PIEZO2: variants seen among roughly 807,000 people sequenced by gnomAD.
The protein encoded by PIEZO2 is piezo-type mechanosensitive ion channel component 2.
PIEZO2 carries 172 observed loss-of-function variants against 337.3 expected under a neutral mutation model. The ratio of observed to expected loss-of-function variants is 0.51; its 90% confidence interval spans 0.45 to 0.58. The LOEUF is 0.58. PIEZO2 is among the 20% of genes least tolerant of loss of function. The pLI is 0.00. For missense variants in PIEZO2, 3,028 were observed against 3,391.3 expected, an observed-to-expected ratio of 0.89 and a Z score of 2.66; for synonymous variants, 1,251 against 1,228.5, an observed-to-expected ratio of 1.02 and a Z score of -0.38.
chr18:11,013,615 G>A (rs1480645331), intron 2 of PIEZO2, among the ~76,000 whole-genome samples: 1 of 152,174 alleles, frequency 6.6e-6, no homozygotes, highest in African/African-American at 2.4e-5. Flanking sequence ...GGGAGGTTGT[G>A]GTAGAGCAGA....
Position 11,001,771 on chromosome 18 carries a change from G to A in PIEZO2, c.161-22111C>T, listed in dbSNP as rs1179704646. On this transcript the variant is annotated intron_variant, in intron 2 of 55. Transcript: ENST00000674853. The surrounding 1 kb of genome is among the most constrained non-coding windows in gnomAD (Gnocchi z 5.3). Reference sequence around the variant, plus strand: ...CTCACACCTGTAACCCCAGCCACTCGGGAGGCTGAGGCATGAGAATAGCTT... The same window carrying A: ...CTCACACCTGTAACCCCAGCCACTCAGGAGGCTGAGGCATGAGAATAGCTT... 3.3e-5 allele frequency among the ~76,000 whole-genome samples: 5 copies of A among 152,146 alleles called. No individual in the cohort carries two copies. The highest frequency in any genetic ancestry group is 2.1e-4 in the South Asian group (1 of 4,796).
rs905070590 is a variant in PIEZO2, at chr18:10,676,282, C to T, written c.8082-994G>A. ...TCTCAGTCTGGGAACATTTCTAAGGCCTGCACCCTGGTGATCCATATATTC... is the reference window on the plus strand; with the variant it reads ...TCTCAGTCTGGGAACATTTCTAAGGTCTGCACCCTGGTGATCCATATATTC... On this transcript the variant is annotated intron_variant, in intron 53 of 55. Coordinates refer to ENST00000674853, the MANE Select transcript of PIEZO2 (RefSeq NM_001378183.1). The surrounding 1 kb of genome is among the most constrained non-coding windows in gnomAD (Gnocchi z 5.1). Among the ~76,000 whole-genome samples the T allele has an allele frequency of 3.9e-5, 6 of 152,176 alleles. No homozygotes were observed. Among genetic ancestry groups the T allele is most frequent in the African/African-American group, 1.2e-4 (5 of 41,448 alleles).
Position 10,773,860 on chromosome 18 carries a change from G to T in PIEZO2, c.2567+146C>A, listed in dbSNP as rs76165949. 6.3e-3 allele frequency: 3,915 copies of T among 620,356 alleles called. 91 individuals carry two copies. Among genetic ancestry groups the T allele is most frequent in the African/African-American group, 0.062 (3,387 of 54,248 alleles). 38.4% of individuals were successfully genotyped at this position (620,356 alleles called of 1,614,324 possible). Reference sequence around the variant, plus strand: ...GGTTTTGTTAGCTTTTTTAATTCGGGTTCTAGTGATTAGTTGGTAATGAGA... The same window carrying T: ...GGTTTTGTTAGCTTTTTTAATTCGGTTTCTAGTGATTAGTTGGTAATGAGA... On this transcript the variant is annotated intron_variant, in intron 19 of 55. Transcript: ENST00000674853. This position sits in a 1 kb window ranked among gnomAD's most constrained non-coding sequence, Gnocchi z 5.3.
chr18:10,970,967 A>G (rs142065424), intron 3 of PIEZO2, among the ~76,000 whole-genome samples: 13 of 152,300 alleles, frequency 8.5e-5, no homozygotes, highest in Middle Eastern at 3.4e-3. Flanking sequence ...CTCTACATTA[A>G]TCCACAATAC....
intron 8 of PIEZO2, among the ~76,000 whole-genome samples, chr18:10,805,635 A>G (rs999497362): frequency 1.3e-5 from 2 of 152,272 alleles, no homozygotes; most frequent in Admixed American, 6.5e-5. Context: ...CTACTGGCAC[A>G]GTCAAATTTT....
Position 10,726,308 on chromosome 18 carries a change from G to A in PIEZO2, c.5029+5099C>T. ...GTCGCGGCCAGAGCCCCGGCCAGGT[G>A]GAGCAGGTGGGTCCCCGAACGCCCC... On this transcript the variant is annotated intron_variant, in intron 36 of 55. Coordinates refer to ENST00000674853, the MANE Select transcript of PIEZO2 (RefSeq NM_001378183.1). This position sits in a 1 kb window ranked among gnomAD's most constrained non-coding sequence, Gnocchi z 5.9. 8.6e-7 allele frequency: 1 copy of A among 1,161,330 alleles called. No individual in the cohort carries two copies. Among genetic ancestry groups the A allele is most frequent in the Admixed American group, 2.1e-5 (1 of 46,694 alleles). 71.9% of individuals were successfully genotyped at this position (1,161,330 alleles called of 1,614,324 possible). A position where few individuals can be genotyped will look rare whatever the true frequency, so the allele number is the denominator to read the frequency against.
At chr18:11,049,133 G>T (rs1204608865) in intron 2 of PIEZO2, among the ~76,000 whole-genome samples, 1 of 152,184 alleles carries the variant, frequency 6.6e-6, no homozygotes, top group Non-Finnish European at 1.5e-5. Context: ...GAAGTCAAAG[G>T]AGGAGCTACG....
At chr18:11,025,096 T>G (rs1430380536) in intron 2 of PIEZO2, among the ~76,000 whole-genome samples, 3 of 152,124 alleles carry the variant, frequency 2.0e-5, no homozygotes, top group African/African-American at 7.2e-5. Context: ...TGATTAGGAA[T>G]GTAGGCTCTC....
Position 10,794,347 on chromosome 18 carries a change from G to A in PIEZO2, c.1758+425C>T, listed in dbSNP as rs1376317046. ...TAAAAATGTTCTTTAGGAAAGAATTGGAGAAAAACGTCATGAATAATCAAT... is the reference window on the plus strand; with the variant it reads ...TAAAAATGTTCTTTAGGAAAGAATTAGAGAAAAACGTCATGAATAATCAAT... On this transcript the variant is annotated intron_variant, in intron 13 of 55. Transcript: ENST00000674853. The surrounding 1 kb of genome is among the most constrained non-coding windows in gnomAD (Gnocchi z 6.6). Among the ~76,000 whole-genome samples, 1 of 152,126 alleles carries A rather than the reference G, an allele frequency of 6.6e-6. No homozygotes were observed. The highest frequency in any genetic ancestry group is 1.5e-5 in the Non-Finnish European group (1 of 68,020).
intron 4 of PIEZO2, among the ~76,000 whole-genome samples, chr18:10,907,678 CAT>C (rs1178665513): frequency 6.6e-6 from 1 of 152,182 alleles, no homozygotes; most frequent in Non-Finnish European, 1.5e-5. Context: ...ACTGATTACA[CAT>C]GATTAGCACA....
At position 10,722,957 on chromosome 18, in the gene PIEZO2, ATTTT is replaced by A. The variant is rs36042609; in HGVS notation, c.5030-4702_5030-4699del. 3.7e-3 allele frequency among the ~76,000 whole-genome samples: 314 copies of A among 84,324 alleles called. 1 individual carries two copies. The highest frequency in any genetic ancestry group is 6.3e-3 in the African/African-American group (131 of 20,890). The allele number at this position is 84,324 out of a possible 152,430, so 55.3% of individuals were successfully genotyped here. ...GACAGCATGTGTCCAGGATGCAGTGATTTTTTTTTTTTTTTTTTTTTTTTTTTGA... is the reference window on the plus strand; with the variant it reads ...GACAGCATGTGTCCAGGATGCAGTGATTTTTTTTTTTTTTTTTTTTTTTGA... On this transcript the variant is annotated intron_variant, in intron 36 of 55. Coordinates refer to ENST00000674853, the MANE Select transcript of PIEZO2 (RefSeq NM_001378183.1).
intron 1 of PIEZO2, among the ~76,000 whole-genome samples, chr18:11,147,908 G>T (rs1371956964): frequency 6.6e-6 from 1 of 152,262 alleles, no homozygotes; most frequent in African/African-American, 2.4e-5. Flanking sequence ...TGGGAGGCGG[G>T]ACTAGGTGTT....
chr18:10,802,359 A>G (rs1283195166), intron 9 of PIEZO2, among the ~76,000 whole-genome samples: 2 of 152,176 alleles, frequency 1.3e-5, no homozygotes, highest in East Asian at 1.9e-4. Flanking sequence ...TGTGGGTTCT[A>G]TCTATCAATT....
chr18:10,724,939 C>A lies in PIEZO2; in HGVS notation c.5029+6468G>T, dbSNP rs140850845. The A allele has an allele frequency of 2.5e-6, 4 of 1,601,192 alleles. No homozygotes were observed. In the East Asian group the frequency reaches 6.7e-5, roughly 27 times the overall value. ...GCCTCCACCTGGACGGCGATGGAACCCAGGTGGGCGCACCCTGCGGCCTGC... is the reference window on the plus strand; with the variant it reads ...GCCTCCACCTGGACGGCGATGGAACACAGGTGGGCGCACCCTGCGGCCTGC... On this transcript the variant is annotated intron_variant, in intron 36 of 55. Transcript: ENST00000674853. The surrounding 1 kb of genome is among the most constrained non-coding windows in gnomAD (Gnocchi z 5.8).
In PIEZO2 at chr18:11,131,587, C is replaced by A. The variant is rs968499225; in HGVS notation, c.64+16938G>T. Among the ~76,000 whole-genome samples, 3 of 152,184 alleles carry A rather than the reference C, an allele frequency of 2.0e-5. No individual in the cohort carries two copies. The highest frequency in any genetic ancestry group is 7.2e-5 in the African/African-American group (3 of 41,448). On this transcript the variant is annotated intron_variant, in intron 1 of 55. Coordinates refer to ENST00000674853, the MANE Select transcript of PIEZO2 (RefSeq NM_001378183.1). This position sits in a 1 kb window ranked among gnomAD's most constrained non-coding sequence, Gnocchi z 5.3. ...CCAGTGGGCAGAACTTCGAGCCATG[C>A]ACCTGGCTGTGCACGTTGCATGGAA...
rs374296354 is a variant in PIEZO2 at position 10,696,372 on chromosome 18, T to C, written c.6975+20A>G. On this transcript the variant is annotated intron_variant, in intron 46 of 55. Transcript: ENST00000674853. ...TCGCCATGGGTCAGGGCGGGTGCTG[T>C]GGCCTTTGCCCCAACCTACCCCAAA... The C allele has an allele frequency of 6.2e-7, 1 of 1,614,190 alleles. No individual in the cohort carries two copies.
rs980975418 is a variant in PIEZO2 at position 10,871,330 on chromosome 18, G to A, written c.415C>T (p.Leu139Phe). The A allele has an allele frequency of 2.3e-5, 36 of 1,537,140 alleles. No homozygotes were observed. The highest frequency in any genetic ancestry group is 3.1e-5 in the Non-Finnish European group (35 of 1,146,860). Residue 139 changes from leucine (L) to phenylalanine (F), a missense_variant, in exon 5 of 56, where the codon CTC becomes TTC. By Grantham distance (22) the Leu-to-Phe change is conservative. Transcript: ENST00000674853. ...GGTTTCTGAACAATGTTTCTACAGA[G>A]GAGCCAGATGGTCAGACTAGCAATG... The part of the protein sequence containing the change: ...MFIASLTIWL[L>F]CRNIVQKPVT...
intron 1 of PIEZO2, among the ~76,000 whole-genome samples, chr18:11,140,069 G>T (rs1037586154): frequency 2.6e-5 from 4 of 152,140 alleles, no homozygotes; most frequent in Non-Finnish European, 4.4e-5. Flanking sequence ...CCCCAATGCA[G>T]TTAAGGACCC....
Position 11,078,046 on chromosome 18 carries a change from C to CCA in PIEZO2, c.65-11826_65-11825dup, listed in dbSNP as rs35766286. Reference sequence around the variant, plus strand: ...TGCGTGCACACACACCCACACACACCCACACACACACACACACACACCACA... The same window carrying CCA: ...TGCGTGCACACACACCCACACACACCCACACACACACACACACACACACCACA... On this transcript the variant is annotated intron_variant, in intron 1 of 55. Coordinates refer to ENST00000674853, the MANE Select transcript of PIEZO2 (RefSeq NM_001378183.1). The surrounding 1 kb of genome is among the most constrained non-coding windows in gnomAD (Gnocchi z 5.3). 8.7e-3 allele frequency among the ~76,000 whole-genome samples: 1,179 copies of CCA among 135,846 alleles called. 7 individuals carry two copies. Among genetic ancestry groups the CCA allele is most frequent in the Non-Finnish European group, 0.013 (774 of 59,980 alleles). The allele number at this position is 135,846 out of a possible 152,430, so 89.1% of individuals were successfully genotyped here. A position where few individuals can be genotyped will look rare whatever the true frequency, so the allele number is the denominator to read the frequency against.
Sources: allele counts gnomAD v4.1 joint callset (sites outside exome capture counted in the v4.1 genomes callset), GRCh38; gene constraint gnomAD v4.1.1; non-coding constraint Gnocchi (gnomAD v3.1); transcripts MANE v1.5; gene names NCBI Gene and HGNC (gene_info 2026-07-23, HGNC 2026-07-21).